Variants in IL1RL2 observed in about 807,000 individuals in gnomAD.
IL1RL2 encodes interleukin 1 receptor like 2, also known as interleukin-1 receptor-like 2.
A neutral mutation model predicts 66.8 loss-of-function variants in IL1RL2; 68 were observed. The observed-to-expected ratio is 1.02, with a 90% CI of 0.84 to 1.25. The LOEUF is 1.25. Ranked by LOEUF, IL1RL2 falls within the 50% of genes most tolerant of loss-of-function variation. The pLI is 0.00. For missense variants in IL1RL2, 729 were observed against 709.3 expected (o/e 1.03, Z -0.32); for synonymous variants, 305 against 264.6 (o/e 1.15, Z -1.48).
chr2:102,226,840 GC>G, intron 9 of IL1RL2, among the ~76,000 whole-genome samples: 1 of 152,360 alleles, frequency 6.6e-6, no homozygotes, highest in South Asian at 2.1e-4. Flanking sequence ...ATTAAATCCT[GC>G]TTTTTGACAG....
intron 5 of IL1RL2, among the ~76,000 whole-genome samples, chr2:102,206,692 G>A (rs978214715): frequency 2.0e-4 from 31 of 152,192 alleles, no homozygotes; most frequent in African/African-American, 7.0e-4. Flanking sequence ...AGCCAGCACA[G>A]CGCTGGGTCT....
intron 8 of IL1RL2, among the ~76,000 whole-genome samples, chr2:102,220,687 G>A (rs1024792): frequency 6.6e-6 from 1 of 151,270 alleles, no homozygotes; most frequent in South Asian, 2.1e-4. Flanking sequence ...GTATGTGTGT[G>A]TGTGTGTGTG....
intron 9 of IL1RL2, among the ~76,000 whole-genome samples, chr2:102,229,436 TG>T (rs1275946940): frequency 6.6e-6 from 1 of 152,214 alleles, no homozygotes; most frequent in African/African-American, 2.4e-5. Flanking sequence ...GCGGTGGACC[TG>T]GGTTTACATC....
intron 6 of IL1RL2, among the ~76,000 whole-genome samples, chr2:102,216,164 C>G (rs746152171): frequency 1.3e-5 from 2 of 152,112 alleles, no homozygotes; most frequent in Non-Finnish European, 1.5e-5. Context: ...AATTTATGAT[C>G]TGAATAAGAA....
At chr2:102,237,885 C>A in intron 11 of IL1RL2, among the ~76,000 whole-genome samples, 1 of 152,120 alleles carries the variant, frequency 6.6e-6, no homozygotes, top group East Asian at 1.9e-4. Flanking sequence ...TCAATTCTCT[C>A]CCGTTTCTCC....
At chr2:102,231,299 T>A (rs1691105742) in intron 9 of IL1RL2, among the ~76,000 whole-genome samples, 2 of 151,946 alleles carry the variant, frequency 1.3e-5, no homozygotes, top group Non-Finnish European at 2.9e-5. Flanking sequence ...ATCCAGGAGC[T>A]CCAGCCTGGC....
chr2:102,242,410 G>A (rs1675251940), downstream of IL1RL2, among the ~76,000 whole-genome samples: 1 of 152,112 alleles, frequency 6.6e-6, no homozygotes, highest in South Asian at 2.1e-4. Context: ...CCATGATCAT[G>A]GAGGCTGAGA....
At chr2:102,234,503 T>A (rs753966405) in intron 10 of IL1RL2, among the ~76,000 whole-genome samples, 4 of 152,152 alleles carry the variant, frequency 2.6e-5, no homozygotes, top group Non-Finnish European at 5.9e-5. Flanking sequence ...TATTTTAAAG[T>A]CCATTTTTGG....
chr2:102,241,364 C>T (rs539767427), downstream of IL1RL2, among the ~76,000 whole-genome samples: 1 of 152,274 alleles, frequency 6.6e-6, no homozygotes, highest in South Asian at 2.1e-4. Context: ...CGTCGGGCCC[C>T]TGGACTCCAG....
intron 1 of IL1RL2, 50 bp downstream of exon 1, chr2:102,187,136 G>A: frequency 2.3e-6 from 3 of 1,282,404 alleles, no homozygotes; most frequent in Non-Finnish European, 3.1e-6. Flanking sequence ...GTGGGGCCCT[G>A]ACAGTAGGAG....
chr2:102,238,472 G>A (rs766888750), intron 11 of IL1RL2, among the ~76,000 whole-genome samples: 7 of 152,294 alleles, frequency 4.6e-5, no homozygotes, highest in African/African-American at 1.2e-4. Context: ...TGTGCTCAGG[G>A]AGCCTCAGTC....
intron 10 of IL1RL2, 78 bp downstream of exon 10, chr2:102,233,202 C>A: frequency 7.3e-7 from 1 of 1,373,942 alleles, no homozygotes; most frequent in Non-Finnish European, 1.0e-6. Context: ...TTACTAATGG[C>A]GGTGACTCTG....
rs1462512389 is a variant in IL1RL2, at chr2:102,222,149, T to C, written c.991+2132T>C. On this transcript the variant is annotated intron_variant, in intron 8 of 11. Transcript: ENST00000264257. ...GTTTTATATTAAGAGAAGTATATAG[T>C]ATGCTTTATTTTCTTAGGTGTGGGG... Among the ~76,000 whole-genome samples, 5 of 152,224 alleles carry C rather than the reference T, an allele frequency of 3.3e-5. No individual in the cohort carries two copies. In the South Asian group the frequency reaches 6.2e-4, roughly 19 times the overall value.
chr2:102,219,023 C>T lies in IL1RL2; in HGVS notation c.795C>T (p.Val265=), dbSNP rs1689857973. 1.2e-6 allele frequency: 2 copies of T among 1,613,656 alleles called. No individual in the cohort carries two copies. Among genetic ancestry groups the T allele is most frequent in the African/African-American group, 2.7e-5 (2 of 75,010 alleles). Residue 265 remains valine, a synonymous_variant, in exon 7 of 12, where the codon GTC becomes GTT. Transcript: ENST00000264257. ...KDNTNLRCWR[V]NNTLVDDYYD... is the part of the protein sequence containing the mutation. Reference sequence around the variant, plus strand: ...ATACAAATCTACGATGCTGGAGAGTCAATAACACTTTGGTGGATGATTACT... The same window carrying T: ...ATACAAATCTACGATGCTGGAGAGTTAATAACACTTTGGTGGATGATTACT...
chr2:102,196,823 A>C (rs1399132525), intron 4 of IL1RL2, among the ~76,000 whole-genome samples: 1 of 152,172 alleles, frequency 6.6e-6, no homozygotes, highest in East Asian at 1.9e-4. Context: ...CACATGTAGA[A>C]AGATGGTGCT....
chr2:102,195,627 T>C (rs12993049), intron 4 of IL1RL2, among the ~76,000 whole-genome samples: 446 of 14,386 alleles, frequency 0.031, 7 homozygotes, highest in Non-Finnish European at 0.042. Flanking sequence ...CTTTCTTTCT[T>C]TCTCTCTCTC....
chr2:102,235,555 C>G (rs1280180945), intron 11 of IL1RL2: 5 of 985,308 alleles, frequency 5.1e-6, no homozygotes, highest in African/African-American at 1.7e-5. Context: ...GGATACAGCA[C>G]TTGGGCCCCT....
chr2:102,204,258 T>C (rs892716543), intron 5 of IL1RL2, among the ~76,000 whole-genome samples: 1 of 152,174 alleles, frequency 6.6e-6, no homozygotes, highest in Non-Finnish European at 1.5e-5. Flanking sequence ...TTGATATTAT[T>C]CCAATTTTTT....
intron 11 of IL1RL2, chr2:102,235,632 G>C (rs1674809622): frequency 2.0e-6 from 2 of 985,370 alleles, no homozygotes; most frequent in African/African-American, 3.5e-5. Flanking sequence ...CCATGATGTG[G>C]CACCCATAGA....
Sources: gnomAD v4.1 joint callset for allele counts (sites outside exome capture counted in the v4.1 genomes callset) on GRCh38, gnomAD v4.1.1 for gene constraint, MANE v1.5 for transcripts, NCBI Gene and HGNC (gene_info 2026-07-23, HGNC 2026-07-21) for gene names.